Variants in TIMM23B observed in about 807,000 individuals in gnomAD.
The protein encoded by TIMM23B is mitochondrial import inner membrane translocase subunit Tim23B.
Under a neutral mutation model 27.3 loss-of-function variants are expected in TIMM23B, and 27 were observed. The observed-to-expected ratio is 0.99, with a 90% confidence interval of 0.73 to 1.36. The LOEUF is 1.36. TIMM23B is among the 40% of genes most tolerant of loss of function. The probability of loss-of-function intolerance (pLI) is 0.00; values close to 1 mark genes in which losing one functional copy is unlikely to be tolerated. For missense variants in TIMM23B, 205 were observed against 244.2 expected, an observed-to-expected ratio of 0.84 and a Z score of 1.07; for synonymous variants, 73 against 92.4, an observed-to-expected ratio of 0.79 and a Z score of 1.21.
At chr10:49,951,794 A>G (rs1384493518) in intron 2 of TIMM23B, among the ~76,000 whole-genome samples, 1 of 152,182 alleles carries the variant, frequency 6.6e-6, no homozygotes, top group Non-Finnish European at 1.5e-5. Context: ...TTTCTTCCAG[A>G]CTGGTTGTCT....
chr10:49,952,467 T>C lies in TIMM23B; in HGVS notation c.278T>C (p.Met93Thr). The C allele has an allele frequency of 6.2e-7, 1 of 1,613,402 alleles. No individual in the cohort carries two copies. The highest frequency in any genetic ancestry group is 8.5e-7 in the Non-Finnish European group (1 of 1,179,526). ...CCMTGAAFGA[M>T]NGLRLGLKET... ...TTACCAGGGGCTGCGTTTGGGGCAA[T>C]GAATGGTCTTCGGCTAGGATTGAAG... The change falls in exon 4 of 7, where the codon ATG becomes ACG. Residue 93 changes from methionine to threonine, a missense_variant. By Grantham distance (81) the Met-to-Thr change is moderately conservative. Transcript: ENST00000651259.
intron 2 of TIMM23B, among the ~76,000 whole-genome samples, chr10:49,945,449 C>T (rs1482098321): frequency 2.6e-5 from 4 of 152,150 alleles, no homozygotes; most frequent in Non-Finnish European, 4.4e-5. Flanking sequence ...AGCGCGATCT[C>T]TGCTCACTGC....
chr10:49,944,198 G>A (rs2133045254), intron 1 of TIMM23B, among the ~76,000 whole-genome samples: 1 of 152,324 alleles, frequency 6.6e-6, no homozygotes, highest in African/African-American at 2.4e-5. Context: ...TCACGTAGTT[G>A]CTATGTAGAC....
intron 2 of TIMM23B, among the ~76,000 whole-genome samples, chr10:49,950,821 C>T (rs1446956406): frequency 8.5e-5 from 13 of 152,172 alleles, no homozygotes; most frequent in African/African-American, 2.7e-4. Context: ...AGATTACAGG[C>T]GGGAGGCACC....
At chr10:49,947,493 C>A (rs1252303022) in intron 2 of TIMM23B, among the ~76,000 whole-genome samples, 1 of 151,932 alleles carries the variant, frequency 6.6e-6, no homozygotes, top group African/African-American at 2.4e-5. Flanking sequence ...CCTGTAATCC[C>A]AGCTACTTGG....
chr10:49,944,939 T>G (rs1839308782), intron 1 of TIMM23B, 93 bp from the exon 2 acceptor site: 1 of 1,513,980 alleles, frequency 6.6e-7, no homozygotes. Context: ...CTATAAAAAT[T>G]GCAAACACAT....
intron 2 of TIMM23B, 142 bp from the exon 3 acceptor site, chr10:49,951,984 G>A (rs1317225140): frequency 8.7e-5 from 54 of 622,306 alleles, no homozygotes; most frequent in Non-Finnish European, 1.4e-4. Flanking sequence ...GCTGCAGAAA[G>A]TTTTATTTTT....
chr10:49,942,670 TAGTACAC>T (rs1206196234), intron 1 of TIMM23B, among the ~76,000 whole-genome samples: 1 of 152,202 alleles, frequency 6.6e-6, no homozygotes, highest in Non-Finnish European at 1.5e-5. Flanking sequence ...GTTAACTTTT[TAGTACAC>T]AGTGACATAT....
chr10:49,964,334 A>G (rs551447213), intron 6 of TIMM23B, among the ~76,000 whole-genome samples: 2 of 150,960 alleles, frequency 1.3e-5, no homozygotes, highest in East Asian at 3.9e-4. Context: ...AAATGAAATG[A>G]GAAATGATGA....
chr10:49,966,476 A>G (rs1287112780), intron 6 of TIMM23B, among the ~76,000 whole-genome samples: 2 of 152,012 alleles, frequency 1.3e-5, no homozygotes, highest in African/African-American at 2.4e-5. Flanking sequence ...TGTCAGGTGC[A>G]GTGGCGTACT....
At chr10:49,969,163 C>T (rs1168658268) in intron 6 of TIMM23B, among the ~76,000 whole-genome samples, 2 of 152,172 alleles carry the variant, frequency 1.3e-5, no homozygotes, top group African/African-American at 4.8e-5. Context: ...ATATTATTCA[C>T]AACAGCCATA....
Position 49,942,101 on chromosome 10 carries a change from A to G in TIMM23B, c.-94A>G. On this transcript the variant is annotated 5_prime_UTR_variant, in exon 1 of 7. Coordinates refer to ENST00000651259, the MANE Select transcript of TIMM23B (RefSeq NM_001290117.2). ...TCAGCGTGTGAAGTAGGCGCTGGCA[A>G]CGCGGGGTTACCCGCTGTTATTGAG... is the stretch of plus-strand genomic sequence containing the variant. The G allele has an allele frequency of 2.8e-6, 4 of 1,419,232 alleles. No homozygotes were observed. The South Asian group carries it at 5.6e-5, about 20-fold the overall frequency. 87.9% of individuals were successfully genotyped at this position (1,419,232 alleles called of 1,614,324 possible). A position where few individuals can be genotyped will look rare whatever the true frequency, so the allele number is the denominator to read the frequency against.
At chr10:49,950,842 A>C (rs1380364489) in intron 2 of TIMM23B, among the ~76,000 whole-genome samples, 1 of 152,196 alleles carries the variant, frequency 6.6e-6, no homozygotes, top group African/African-American at 2.4e-5. Context: ...GTGCCTGGCC[A>C]AGTTTTCTAT....
chr10:49,958,508 T>A, intron 6 of TIMM23B, 28 bp downstream of exon 6: 1 of 1,606,604 alleles, frequency 6.2e-7, no homozygotes, highest in Non-Finnish European at 8.5e-7. Context: ...GGGAGCCATC[T>A]CTTAATATAC....
At chr10:49,942,768 G>A (rs1839184566) in intron 1 of TIMM23B, among the ~76,000 whole-genome samples, 1 of 151,988 alleles carries the variant, frequency 6.6e-6, no homozygotes, top group Non-Finnish European at 1.5e-5. Flanking sequence ...CTTGGGACAG[G>A]CTAGGAAACC....
In TIMM23B at chr10:49,960,683, C is replaced by T. The variant is rs1378916482; in HGVS notation, c.514+2203C>T. ...CAAACTCTAGTCTGAGTCCAAAGCC[C>T]GTTGTCTTTCTCACCAAACCAAATT... On this transcript the variant is annotated intron_variant, in intron 6 of 6. Coordinates refer to ENST00000651259, the MANE Select transcript of TIMM23B (RefSeq NM_001290117.2). Among the ~76,000 whole-genome samples, 10 of 150,834 alleles carry T rather than the reference C, an allele frequency of 6.6e-5. No individual in the cohort carries two copies. In the East Asian group the frequency reaches 1.6e-3, roughly 24 times the overall value.
chr10:49,949,453 C>T (rs1348580240), intron 2 of TIMM23B, among the ~76,000 whole-genome samples: 65 of 152,140 alleles, frequency 4.3e-4, no homozygotes, highest in Non-Finnish European at 6.8e-4. Context: ...CTCAAAATTT[C>T]AAAACTAGTT....
At chr10:49,971,978 G>A (rs1258928093) in intron 6 of TIMM23B, among the ~76,000 whole-genome samples, 1 of 152,056 alleles carries the variant, frequency 6.6e-6, no homozygotes, top group Non-Finnish European at 1.5e-5. Context: ...AGCTGACTTG[G>A]GACTAAAGCA....
rs182401012 is a variant in TIMM23B at position 49,971,300 on chromosome 10, C to A, written c.515-1712C>A. 3.3e-3 allele frequency among the ~76,000 whole-genome samples: 497 copies of A among 150,432 alleles called. 3 individuals are homozygous for A. The highest frequency in any genetic ancestry group is 0.011 in the African/African-American group (463 of 40,840). ...TATGACCCTGCCAAATCCCCTTCTC[C>A]GAGAAACACCCAAGAATGATCAATA... On this transcript the variant is annotated intron_variant, in intron 6 of 6. Coordinates refer to ENST00000651259, the MANE Select transcript of TIMM23B (RefSeq NM_001290117.2).
Sources: gnomAD v4.1 joint callset for allele counts (sites outside exome capture counted in the v4.1 genomes callset) on GRCh38, gnomAD v4.1.1 for gene constraint, MANE v1.5 for transcripts, NCBI Gene and HGNC (gene_info 2026-07-23, HGNC 2026-07-21) for gene names.